POU6F2: variants seen among roughly 807,000 people sequenced by gnomAD.
POU6F2 encodes the protein POU class 6 homeobox 2.
Under a neutral mutation model 71.3 loss-of-function variants are expected in POU6F2, and 31 were observed. That is an observed-to-expected ratio of 0.43 (90% CI 0.33 to 0.59). POU6F2 has a LOEUF of 0.59. Among genes scored for constraint, POU6F2 ranks in the 20% least tolerant of loss-of-function variants. The pLI, the probability that POU6F2 is intolerant of heterozygous loss-of-function variation, is 0.04. For synonymous variants in POU6F2, 347 were observed against 355.7 expected (o/e 0.98, Z 0.27); for missense variants, 783 against 856.8 (o/e 0.91, Z 1.07).
intron 5 of POU6F2, among the ~76,000 whole-genome samples, chr7:39,355,325 C>T (rs75414487): frequency 0.022 from 3,408 of 152,228 alleles, 55 homozygotes; most frequent in Non-Finnish European, 0.036. Flanking sequence ...AGAAAGGCTA[C>T]AAATTTTTTT....
intron 2 of POU6F2, among the ~76,000 whole-genome samples, chr7:39,173,274 G>A (rs1793261143): frequency 1.3e-5 from 2 of 152,340 alleles, no homozygotes; most frequent in East Asian, 1.9e-4. Flanking sequence ...TAGCACAGCT[G>A]TAGAGAGCTA....
chr7:39,406,214 T>C lies in POU6F2; in HGVS notation c.973-386T>C, dbSNP rs534488900. ...CTCTTTCCCCGATCCCCATCCTGTT[T>C]ACTCTCCTATTCTGTCTGGTTACCT... On this transcript the variant is annotated intron_variant, in intron 5 of 9. Transcript: ENST00000518318. 2.2e-4 allele frequency: 37 copies of C among 170,774 alleles called. No individual in the cohort carries two copies. In the South Asian group the frequency reaches 6.4e-3, roughly 30 times the overall value. 10.6% of individuals were successfully genotyped at this position (170,774 alleles called of 1,614,324 possible).
At chr7:39,263,092 T>C (rs183249228) in intron 4 of POU6F2, among the ~76,000 whole-genome samples, 18 of 152,360 alleles carry the variant, frequency 1.2e-4, no homozygotes, top group African/African-American at 3.8e-4. Context: ...GAGACCTCTT[T>C]TGTGTGCTTT....
At chr7:39,434,489 G>A (rs1788183731) in intron 7 of POU6F2, among the ~76,000 whole-genome samples, 1 of 151,978 alleles carries the variant, frequency 6.6e-6, no homozygotes, top group Non-Finnish European at 1.5e-5. Context: ...TCAGAATAGT[G>A]CCTGGCATAC....
intron 4 of POU6F2, among the ~76,000 whole-genome samples, chr7:39,311,234 T>G (rs2128766968): frequency 6.6e-6 from 1 of 151,738 alleles, no homozygotes. Flanking sequence ...TGCAGAGTGG[T>G]CACATTGGGT....
intron 4 of POU6F2, among the ~76,000 whole-genome samples, chr7:39,224,774 T>A (rs1387106080): frequency 2.0e-5 from 3 of 152,212 alleles, no homozygotes; most frequent in African/African-American, 7.2e-5. Context: ...GCACATTCAT[T>A]CACACAGTGG....
At chr7:39,125,530 A>G (rs1792123418) in intron 2 of POU6F2, among the ~76,000 whole-genome samples, 1 of 152,124 alleles carries the variant, frequency 6.6e-6, no homozygotes, top group African/African-American at 2.4e-5. Flanking sequence ...CTGTTAAAAA[A>G]TATATTACAT....
At chr7:39,003,382 G>A (rs1027293864) in intron 1 of POU6F2, among the ~76,000 whole-genome samples, 1 of 151,584 alleles carries the variant, frequency 6.6e-6, no homozygotes, top group Non-Finnish European at 1.5e-5. Context: ...AATACTCAGC[G>A]ACCTGGATAA....
At chr7:39,243,828 T>G (rs945028874) in intron 4 of POU6F2, among the ~76,000 whole-genome samples, 3 of 152,122 alleles carry the variant, frequency 2.0e-5, no homozygotes, top group Non-Finnish European at 1.5e-5. Context: ...GTTGGAAAAC[T>G]CAGAATTTGC....
At chr7:39,348,003 T>A (rs117446815) in intron 5 of POU6F2, among the ~76,000 whole-genome samples, 3,985 of 143,888 alleles carry the variant, frequency 0.028, 699 homozygotes, top group Non-Finnish European at 0.045. Context: ...CCATCACAAA[T>A]TAATAGGGAA....
At chr7:39,008,273 G>T (rs1789144463) in intron 1 of POU6F2, among the ~76,000 whole-genome samples, 1 of 151,072 alleles carries the variant, frequency 6.6e-6, no homozygotes, top group South Asian at 2.1e-4. Flanking sequence ...TTCTCTGATG[G>T]CCAGTGATGA....
intron 2 of POU6F2, among the ~76,000 whole-genome samples, chr7:39,150,545 C>G (rs1792736004): frequency 6.9e-6 from 1 of 144,284 alleles, no homozygotes; most frequent in Non-Finnish European, 1.5e-5. Context: ...CGGCTCACTA[C>G]AACCTCTGCC....
chr7:39,333,371 T>G (rs1469084651), intron 4 of POU6F2, among the ~76,000 whole-genome samples: 1 of 152,182 alleles, frequency 6.6e-6, no homozygotes, highest in East Asian at 1.9e-4. Flanking sequence ...TTTCCAGATG[T>G]CTATTTCTTT....
At chr7:39,012,662 A>G (rs1345250342) in intron 1 of POU6F2, among the ~76,000 whole-genome samples, 1 of 151,828 alleles carries the variant, frequency 6.6e-6, no homozygotes, top group African/African-American at 2.4e-5. Flanking sequence ...GGTTTTATCT[A>G]CTTTTGGTCT....
At chr7:38,986,357 T>G in intron 1 of POU6F2, among the ~76,000 whole-genome samples, 1 of 152,098 alleles carries the variant, frequency 6.6e-6, no homozygotes, top group South Asian at 2.1e-4. Flanking sequence ...AAGTTTGTGG[T>G]AAGAATTCGA....
Position 39,240,794 on chromosome 7 carries a change from C to A in POU6F2, c.598+33174C>A, listed in dbSNP as rs1340286976. Among the ~76,000 whole-genome samples, 3 of 152,096 alleles carry A rather than the reference C, an allele frequency of 2.0e-5. No homozygotes were observed. In the East Asian group the frequency reaches 5.8e-4, roughly 29 times the overall value. ...TAATGAAGTTTTTGTTATTTAATGA[C>A]TCTTGCGAGTAAAAGATATGATATT... On this transcript the variant is annotated intron_variant, in intron 4 of 9. Transcript: ENST00000518318.
At chr7:39,067,767 G>C (rs1057285467) in intron 1 of POU6F2, among the ~76,000 whole-genome samples, 1 of 152,012 alleles carries the variant, frequency 6.6e-6, no homozygotes, top group Non-Finnish European at 1.5e-5. Context: ...TGGAAAGACA[G>C]GTAAAGGATG....
intron 2 of POU6F2, among the ~76,000 whole-genome samples, chr7:39,179,305 C>T (rs62442236): frequency 0.11 from 16,315 of 152,208 alleles, 982 homozygotes; most frequent in Non-Finnish European, 0.14. Flanking sequence ...TCCAATTCTG[C>T]GACTTTTAGT....
chr7:39,179,128 T>C (rs1362646589), intron 2 of POU6F2, among the ~76,000 whole-genome samples: 1 of 152,176 alleles, frequency 6.6e-6, no homozygotes, highest in African/African-American at 2.4e-5. Context: ...GCATTATCAG[T>C]CAGTGAAGAA....
Sources: allele counts gnomAD v4.1 joint callset (sites outside exome capture counted in the v4.1 genomes callset), GRCh38; gene constraint gnomAD v4.1.1; transcripts MANE v1.5; gene names NCBI Gene and HGNC (gene_info 2026-07-23, HGNC 2026-07-21).